PTPRT: variants seen among roughly 807,000 people sequenced by gnomAD.
The protein encoded by PTPRT is protein tyrosine phosphatase receptor type T.
In PTPRT, 56 loss-of-function variants were observed where a neutral mutation model predicts 176.8. That is an observed-to-expected ratio of 0.32 (90% confidence interval 0.26 to 0.40). The LOEUF (loss-of-function observed/expected upper bound fraction) is 0.40, where lower values mean the gene tolerates loss of function less well. PTPRT is among the 10% of genes least tolerant of loss of function. The probability of loss-of-function intolerance (pLI) is 1.00; values close to 1 mark genes in which losing one functional copy is unlikely to be tolerated. For missense variants in PTPRT, 1,540 were observed against 1,908.2 expected (o/e 0.81, Z 3.60); for synonymous variants, 783 against 739.0 (o/e 1.06, Z -0.96).
chr20:42,788,759 A>G (rs1452242987), intron 3 of PTPRT, among the ~76,000 whole-genome samples: 1 of 152,242 alleles, frequency 6.6e-6, no homozygotes, highest in Admixed American at 6.5e-5. Flanking sequence ...GAGAATGAGC[A>G]GAACCAGCAC....
chr20:42,071,204 T>C (rs549100473), downstream of PTPRT, among the ~76,000 whole-genome samples: 1 of 152,298 alleles, frequency 6.6e-6, no homozygotes, highest in South Asian at 2.1e-4. Context: ...CTGCGGCTTG[T>C]GTTTCCAGCT....
At chr20:42,680,391 AG>A (rs1050029459) in intron 6 of PTPRT, among the ~76,000 whole-genome samples, 7 of 152,196 alleles carry the variant, frequency 4.6e-5, no homozygotes, top group African/African-American at 1.7e-4. Context: ...GTTATCTCAA[AG>A]GTGTTTGCAA....
chr20:42,694,659 G>C (rs1600623130), intron 6 of PTPRT, among the ~76,000 whole-genome samples: 1 of 152,308 alleles, frequency 6.6e-6, no homozygotes, highest in South Asian at 2.1e-4. Context: ...ATCAATGCAT[G>C]AGTGGTCCAG....
At chr20:42,832,606 T>C (rs1050008123) in intron 2 of PTPRT, among the ~76,000 whole-genome samples, 1 of 148,960 alleles carries the variant, frequency 6.7e-6, no homozygotes, top group African/African-American at 2.5e-5. Flanking sequence ...AGAACCAAGA[T>C]AACTATCAGA....
At chr20:42,397,010 C>T (rs1158774346) in intron 9 of PTPRT, among the ~76,000 whole-genome samples, 1 of 152,214 alleles carries the variant, frequency 6.6e-6, no homozygotes, top group Non-Finnish European at 1.5e-5. Flanking sequence ...TACACCCTGT[C>T]CCCATTATCC....
rs2145551232 is a variant in PTPRT, at chr20:42,791,456, C to A, written c.225G>T (p.Met75Ile). 6.2e-7 allele frequency: 1 copy of A among 1,610,772 alleles called. No individual in the cohort carries two copies. Among genetic ancestry groups the A allele is most frequent in the Middle Eastern group, 1.7e-4 (1 of 6,052 alleles). Residue 75 changes from methionine (M) to isoleucine (I), a missense_variant, in exon 3 of 31, where the codon ATG becomes ATT. By Grantham distance (10) the Met-to-Ile change is conservative (BLOSUM62 1). Coordinates refer to ENST00000373187, the MANE Select transcript of PTPRT (RefSeq NM_007050.6). ...AGGCTCTCCCAGAGCTGTTCACCATCATGAAAGATCCTGGAGACCCACAAA... is the reference window on the plus strand; with the variant it reads ...AGGCTCTCCCAGAGCTGTTCACCATAATGAAAGATCCTGGAGACCCACAAA... ...LDQAVPTGSF[M>I]MVNSSGRASG...
At chr20:42,999,641 T>G (rs1399528705) in intron 1 of PTPRT, among the ~76,000 whole-genome samples, 6 of 151,132 alleles carry the variant, frequency 4.0e-5, no homozygotes, top group Middle Eastern at 3.4e-3. Flanking sequence ...TTGTGGTGGT[T>G]GTTGTTGTTG....
chr20:43,139,808 C>G (rs146859581), intron 1 of PTPRT, among the ~76,000 whole-genome samples: 70 of 152,178 alleles, frequency 4.6e-4, no homozygotes, highest in Non-Finnish European at 9.3e-4. Flanking sequence ...TCCTCCTTCT[C>G]CAGGGATTTA....
intron 15 of PTPRT, among the ~76,000 whole-genome samples, chr20:42,232,464 G>T (rs750344137): frequency 1.3e-5 from 2 of 152,216 alleles, no homozygotes; most frequent in Non-Finnish European, 2.9e-5. Flanking sequence ...GCTCCCAGGT[G>T]ATGCTGATGC....
intron 2 of PTPRT, among the ~76,000 whole-genome samples, chr20:42,838,619 G>A (rs1050547229): frequency 6.6e-6 from 1 of 152,162 alleles, no homozygotes; most frequent in Admixed American, 6.5e-5. Flanking sequence ...TGTAACCAAT[G>A]GGCCGCTGGA....
chr20:42,069,637 G>A (rs1174333566), downstream of PTPRT, among the ~76,000 whole-genome samples: 1 of 152,122 alleles, frequency 6.6e-6, no homozygotes, highest in Admixed American at 6.6e-5. Flanking sequence ...AAAATTACTT[G>A]TGTTCCCTAT....
At chr20:42,735,248 C>T (rs141128316) in intron 6 of PTPRT, among the ~76,000 whole-genome samples, 15 of 152,226 alleles carry the variant, frequency 9.9e-5, no homozygotes, top group African/African-American at 3.6e-4. Flanking sequence ...AAGGTCAAGA[C>T]TGACTGTAAG....
intron 7 of PTPRT, among the ~76,000 whole-genome samples, chr20:42,676,824 C>G (rs1313792593): frequency 7.9e-5 from 12 of 152,172 alleles, no homozygotes; most frequent in Admixed American, 6.5e-5. Context: ...GCATCCAGAG[C>G]CAGATCATCT....
At chr20:42,488,234 T>C (rs904063331) in intron 7 of PTPRT, among the ~76,000 whole-genome samples, 1 of 152,196 alleles carries the variant, frequency 6.6e-6, no homozygotes, top group African/African-American at 2.4e-5. Context: ...TCTAGATTTG[T>C]GTGAATTCCT....
intron 1 of PTPRT, among the ~76,000 whole-genome samples, chr20:43,038,251 C>T (rs1249657432): frequency 1.3e-5 from 2 of 151,788 alleles, no homozygotes; most frequent in Non-Finnish European, 2.9e-5. Context: ...GGGTTTCAGA[C>T]AAGGGATTAA....
intron 1 of PTPRT, among the ~76,000 whole-genome samples, chr20:43,097,004 G>A (rs1024465042): frequency 2.6e-5 from 4 of 152,198 alleles, no homozygotes; most frequent in African/African-American, 9.7e-5. Context: ...GCACCAGAAG[G>A]CCTCAGCGAC....
At chr20:43,083,339 T>TGTATATATATAC (rs1568773973) in intron 1 of PTPRT, among the ~76,000 whole-genome samples, 1 of 109,244 alleles carries the variant, frequency 9.2e-6, no homozygotes, top group African/African-American at 3.5e-5. Context: ...TATATATATA[T>TGTATATATATAC]ATATATATAT....
intron 7 of PTPRT, among the ~76,000 whole-genome samples, chr20:42,660,180 T>C (rs1328546877): frequency 1.3e-5 from 2 of 152,090 alleles, no homozygotes; most frequent in African/African-American, 4.8e-5. Context: ...GCTGGAGCTT[T>C]CCTCCCAAAA....
intron 12 of PTPRT, among the ~76,000 whole-genome samples, chr20:42,296,169 C>A (rs2057383213): frequency 6.6e-6 from 1 of 152,088 alleles, no homozygotes; most frequent in Non-Finnish European, 1.5e-5. Context: ...CTAAATAGGC[C>A]AGGTGCCCTG....
Sources: allele counts gnomAD v4.1 joint callset (sites outside exome capture counted in the v4.1 genomes callset), GRCh38; gene constraint gnomAD v4.1.1; transcripts MANE v1.5; gene names NCBI Gene and HGNC (gene_info 2026-07-23, HGNC 2026-07-21).